CD1D: variants seen among roughly 807,000 people sequenced by gnomAD.
The protein encoded by CD1D is antigen-presenting glycoprotein CD1d.
A neutral mutation model predicts 42.1 loss-of-function variants in CD1D; 40 were observed. That is an observed-to-expected ratio of 0.95 (90% confidence interval 0.74 to 1.24). The LOEUF is 1.24. Among genes scored for constraint, CD1D ranks in the 50% most tolerant of loss-of-function variants. CD1D has a pLI of 0.00. For missense variants in CD1D, 437 were observed against 416.5 expected (o/e 1.05, Z -0.43); for synonymous variants, 178 against 171.8 (o/e 1.04, Z -0.28).
rs773245435 is a variant in CD1D, at chr1:158,183,010, G to A, written c.740G>A (p.Gly247Asp). 6.2e-7 allele frequency: 1 copy of A among 1,614,086 alleles called. No homozygotes were observed. The highest frequency in any genetic ancestry group is 1.1e-5 in the South Asian group (1 of 91,078). Residue 247 changes from glycine to aspartate, a missense_variant, in exon 4 of 6, where the codon GGC (glycine) becomes GAC (aspartate). By Grantham distance (94) the Gly-to-Asp change is moderately conservative. Transcript: ENST00000674085. ...ATGCGGGGTGAGCAGGAGCAGCAGG[G>A]CACTCAGCCAGGGGACATCCTGCCC... Reference protein sequence around the residue: ...KWMRGEQEQQGTQPGDILPNA... With the variant: ...KWMRGEQEQQDTQPGDILPNA...
chr1:158,182,039 G>C lies in CD1D; in HGVS notation c.336G>C (p.Leu112Phe). The C allele has an allele frequency of 6.2e-7, 1 of 1,605,886 alleles. No individual in the cohort carries two copies. Among genetic ancestry groups the C allele is most frequent in the East Asian group, 2.2e-5 (1 of 44,796 alleles). Residue 112 changes from leucine (L) to phenylalanine (F), a missense_variant, in exon 3 of 6, where the codon TTG becomes TTC. By Grantham distance (22) the Leu-to-Phe change is conservative. Transcript: ENST00000674085. ...FAKMLRLSYP[L>F]ELQVSAGCEV... ...CTCCATTCCTCTCCACAGATCCCTT[G>C]GAGCTCCAGGTGTCCGCTGGCTGTG...
intron 3 of CD1D, among the ~76,000 whole-genome samples, chr1:158,182,671 A>G (rs527584481): frequency 6.6e-6 from 1 of 152,314 alleles, no homozygotes; most frequent in South Asian, 2.1e-4. Context: ...AGAGAAGAAG[A>G]AGGAGTATCA....
chr1:158,183,419 G>A (rs186618785), intron 4 of CD1D, among the ~76,000 whole-genome samples: 3 of 152,312 alleles, frequency 2.0e-5, no homozygotes, highest in Non-Finnish European at 2.9e-5. Flanking sequence ...AGTAGGCAGC[G>A]AATAAACAAT....
In CD1D at chr1:158,185,432, T is replaced by C; in HGVS notation, c.*1282T>C. Among the ~76,000 whole-genome samples the C allele has an allele frequency of 6.6e-6, 1 of 152,170 alleles. No homozygotes were observed. Among genetic ancestry groups the C allele is most frequent in the East Asian group, 1.9e-4 (1 of 5,198 alleles). ...ATCCCAAAGCACTTGGATATGCCTA[T>C]AATCCAAGTGCTTTGGGAGGCTGAG... On this transcript the variant is annotated 3_prime_UTR_variant, in exon 6 of 6. Coordinates refer to ENST00000674085, the MANE Select transcript of CD1D (RefSeq NM_001371762.2).
chr1:158,182,752 C>T, intron 3 of CD1D, 126 bp from the exon 4 acceptor site: 1 of 1,123,882 alleles, frequency 8.9e-7, no homozygotes, highest in Non-Finnish European at 1.3e-6. Flanking sequence ...CAGAAGTGAA[C>T]ATGTCAGGGG....
chr1:158,182,257 C>T lies in CD1D; in HGVS notation c.554C>T (p.Pro185Leu), dbSNP rs934301784. 1.9e-6 allele frequency: 3 copies of T among 1,614,102 alleles called. No individual in the cohort carries two copies. The South Asian group carries it at 3.3e-5, about 18-fold the overall frequency. Residue 185 changes from proline (P) to leucine (L), a missense_variant, in exon 3 of 6, where the codon CCC becomes CTC. By Grantham distance (98) the Pro-to-Leu change is moderately conservative. Transcript: ENST00000674085. ...CAGTGGCTCCTTAATGGCACCTGCC[C>T]CCAATTTGTCAGTGGCCTCCTTGAG... ...TVQWLLNGTC[P>L]QFVSGLLESG...
In CD1D at chr1:158,180,967, G is replaced by C; in HGVS notation, c.-135G>C. On this transcript the variant is annotated 5_prime_UTR_variant, in exon 1 of 6. Transcript: ENST00000674085. ...AACCGCCGGCAAGCCCAGCGAGGAGGGCTGCCGGGGTCTGGGCTTGGGAAT... is the reference window on the plus strand; with the variant it reads ...AACCGCCGGCAAGCCCAGCGAGGAGCGCTGCCGGGGTCTGGGCTTGGGAAT... 1 of 749,992 alleles carries C rather than the reference G, an allele frequency of 1.3e-6. No homozygotes were observed. Among genetic ancestry groups the C allele is most frequent in the South Asian group, 2.8e-5 (1 of 36,318 alleles). The allele number at this position is 749,992 out of a possible 1,614,324, so 46.5% of individuals were successfully genotyped here. A position where few individuals can be genotyped will look rare whatever the true frequency, so the allele number is the denominator to read the frequency against.
chr1:158,181,118 TTC>T lies in CD1D; in HGVS notation c.19_20del (p.Leu7AlafsTer13), dbSNP rs569069859. The stretch of plus-strand genomic sequence containing the variant: ...CCGGGCGATATGGGGTGCCTGCTGT[TTC>T]TGCTGCTCTGGGCGCTCCTCCAGGC... On this transcript the variant is annotated frameshift_variant, in exon 1 of 6. Transcript: ENST00000674085. LOFTEE classifies it high-confidence loss of function. 4.3e-4 allele frequency: 673 copies of T among 1,548,294 alleles called. 2 individuals are homozygous for T. The highest frequency in any genetic ancestry group is 3.0e-3 in the East Asian group (124 of 40,884).
Position 158,180,960 on chromosome 1 carries a change from C to A in CD1D, c.-142C>A, listed in dbSNP as rs1373192659. The A allele has an allele frequency of 4.3e-6, 3 of 693,574 alleles. No individual in the cohort carries two copies. Among genetic ancestry groups the A allele is most frequent in the African/African-American group, 3.6e-5 (2 of 54,834 alleles). 43.0% of individuals were successfully genotyped at this position (693,574 alleles called of 1,614,324 possible). A position where few individuals can be genotyped will look rare whatever the true frequency, so the allele number is the denominator to read the frequency against. On this transcript the variant is annotated 5_prime_UTR_variant, in exon 1 of 6. Transcript: ENST00000674085. The stretch of plus-strand genomic sequence containing the variant: ...AGCAGCAAACCGCCGGCAAGCCCAG[C>A]GAGGAGGGCTGCCGGGGTCTGGGCT...
Position 158,184,569 on chromosome 1 carries a change from G to T in CD1D, c.*419G>T. On this transcript the variant is annotated 3_prime_UTR_variant, in exon 6 of 6. Transcript: ENST00000674085. The stretch of plus-strand genomic sequence containing the variant: ...AAGTATAAAGTCAGGACCTGGCTTG[G>T]CTTTAACCGTTTTTCAAGAAAACTG... The T allele has an allele frequency of 5.6e-6, 1 of 178,930 alleles. No homozygotes were observed. Among genetic ancestry groups the T allele is most frequent in the Admixed American group, 5.5e-5 (1 of 18,218 alleles). 11.1% of individuals were successfully genotyped at this position (178,930 alleles called of 1,614,324 possible).
In CD1D at chr1:158,184,361, A is replaced by C. The variant is rs1005456889; in HGVS notation, c.*211A>C. ...ATTTAAATTCTTTTTCAAAAATTAC[A>C]CTACAAGTTTATAAGCCCAAATGGC... On this transcript the variant is annotated 3_prime_UTR_variant, in exon 6 of 6. Coordinates refer to ENST00000674085, the MANE Select transcript of CD1D (RefSeq NM_001371762.2). 5 of 602,730 alleles carry C rather than the reference A, an allele frequency of 8.3e-6. No individual in the cohort carries two copies. In the South Asian group the frequency reaches 1.0e-4, roughly 12 times the overall value. 37.3% of individuals were successfully genotyped at this position (602,730 alleles called of 1,614,324 possible). A position where few individuals can be genotyped will look rare whatever the true frequency, so the allele number is the denominator to read the frequency against.
At position 158,181,845 on chromosome 1, in the gene CD1D, C is replaced by T. The variant is rs950880870; in HGVS notation, c.328+124C>T. 2.1e-6 allele frequency: 3 copies of T among 1,397,640 alleles called. No individual in the cohort carries two copies. The African/African-American group carries it at 4.3e-5, about 20-fold the overall frequency. The allele number at this position is 1,397,640 out of a possible 1,614,324, so 86.6% of individuals were successfully genotyped here. On this transcript the variant is annotated intron_variant, in intron 2 of 5. Coordinates refer to ENST00000674085, the MANE Select transcript of CD1D (RefSeq NM_001371762.2). ...GCTCTGTCCACCCTCTTCTGATTTCCCTTCTACCTGGAGATGTCCCAGGCT... is the reference window on the plus strand; with the variant it reads ...GCTCTGTCCACCCTCTTCTGATTTCTCTTCTACCTGGAGATGTCCCAGGCT...
chr1:158,186,050 T>G lies in CD1D; in HGVS notation c.*1900T>G, dbSNP rs1179773660. Among the ~76,000 whole-genome samples the G allele has an allele frequency of 6.6e-6, 1 of 152,210 alleles. No homozygotes were observed. Among genetic ancestry groups the G allele is most frequent in the East Asian group, 1.9e-4 (1 of 5,204 alleles). On this transcript the variant is annotated 3_prime_UTR_variant, in exon 6 of 6. Transcript: ENST00000674085. ...AAAGGCAGTGAGGTGAACCAGCAAG[T>G]GCACTGGCTGAGGGGACTGGAGTTC...
In CD1D at chr1:158,184,196, C is replaced by G; in HGVS notation, c.*46C>G. 1 of 1,605,554 alleles carries G rather than the reference C, an allele frequency of 6.2e-7. No homozygotes were observed. The highest frequency in any genetic ancestry group is 2.2e-5 in the East Asian group (1 of 44,838). On this transcript the variant is annotated 3_prime_UTR_variant, in exon 6 of 6. Coordinates refer to ENST00000674085, the MANE Select transcript of CD1D (RefSeq NM_001371762.2). ...TCTCTGGAACCCAGGACCTCTGGAC[C>G]TCAGGTTCCTAAGACTTCAGTCCTG...
At chr1:158,181,792 A>G (rs1458862241) in intron 2 of CD1D, 71 bp downstream of exon 2, 10 of 1,555,618 alleles carry the variant, frequency 6.4e-6, no homozygotes, top group Admixed American at 3.4e-5. Flanking sequence ...CAACTGGGAG[A>G]CTGTGGCACC....
In CD1D at chr1:158,180,959, G is replaced by A. The variant is rs1309956909; in HGVS notation, c.-143G>A. On this transcript the variant is annotated 5_prime_UTR_variant, in exon 1 of 6. Coordinates refer to ENST00000674085, the MANE Select transcript of CD1D (RefSeq NM_001371762.2). ...AAGCAGCAAACCGCCGGCAAGCCCA[G>A]CGAGGAGGGCTGCCGGGGTCTGGGC... The A allele has an allele frequency of 1.2e-5, 8 of 695,168 alleles. No homozygotes were observed. Among genetic ancestry groups the A allele is most frequent in the South Asian group, 3.1e-5 (1 of 32,176 alleles). The allele number at this position is 695,168 out of a possible 1,614,324, so 43.1% of individuals were successfully genotyped here.
rs777965718 is a variant in CD1D, at chr1:158,181,711, A to G, written c.318A>G (p.Leu106=). The G allele has an allele frequency of 6.2e-7, 1 of 1,609,318 alleles. No individual in the cohort carries two copies. The highest frequency in any genetic ancestry group is 8.5e-7 in the Non-Finnish European group (1 of 1,180,000). ...TRDVKEFAKM[L]RLSYPLELQV... ...ACGTGAAGGAATTCGCCAAAATGCTACGCTTATCCTGTGAGCTGAGGGATA... is the reference window on the plus strand; with the variant it reads ...ACGTGAAGGAATTCGCCAAAATGCTGCGCTTATCCTGTGAGCTGAGGGATA... Residue 106 remains leucine, a synonymous_variant, in exon 2 of 6, where the codon CTA becomes CTG. Transcript: ENST00000674085.
chr1:158,186,217 A>AC lies in CD1D; in HGVS notation c.*2070dup, dbSNP rs1228060462. ...TGCTGTGTTTGGTACCACATTGCCCACCCTCACGTGGCGCTCTTCAGCTTA... is the reference window on the plus strand; with the variant it reads ...TGCTGTGTTTGGTACCACATTGCCCACCCCTCACGTGGCGCTCTTCAGCTTA... On this transcript the variant is annotated 3_prime_UTR_variant, in exon 6 of 6. Transcript: ENST00000674085. Among the ~76,000 whole-genome samples the AC allele has an allele frequency of 6.6e-6, 1 of 152,006 alleles. No individual in the cohort carries two copies. Among genetic ancestry groups the AC allele is most frequent in the African/African-American group, 2.4e-5 (1 of 41,368 alleles).
chr1:158,182,072 C>T lies in CD1D; in HGVS notation c.369C>T (p.His123=), dbSNP rs746054619. 1.2e-6 allele frequency: 2 copies of T among 1,613,548 alleles called. No homozygotes were observed. Among genetic ancestry groups the T allele is most frequent in the South Asian group, 1.1e-5 (1 of 91,000 alleles). ...ELQVSAGCEV[H]PGNASNNFFH... is the part of the protein sequence containing the mutation. ...AGGTGTCCGCTGGCTGTGAGGTGCA[C>T]CCTGGGAACGCCTCAAATAACTTCT... is the stretch of plus-strand genomic sequence containing the variant. The change falls in exon 3 of 6, where the codon CAC becomes CAT. Residue 123 remains histidine (H), a synonymous_variant. Transcript: ENST00000674085.
Sources: allele counts gnomAD v4.1 joint callset (sites outside exome capture counted in the v4.1 genomes callset), GRCh38; gene constraint gnomAD v4.1.1; transcripts MANE v1.5; gene names NCBI Gene and HGNC (gene_info 2026-07-23, HGNC 2026-07-21).